Variants in PDK3 observed in about 807,000 individuals in gnomAD.
PDK3 encodes pyruvate dehydrogenase kinase 3.
A neutral mutation model predicts 32.0 loss-of-function variants in PDK3; 12 were observed. The observed-to-expected ratio is 0.37, with a 90% CI of 0.24 to 0.61. The LOEUF (loss-of-function observed/expected upper bound fraction) is 0.61, where lower values mean the gene tolerates loss of function less well. Among genes scored for constraint, PDK3 ranks in the 20% least tolerant of loss-of-function variants. The pLI is 0.65. For missense variants in PDK3, 188 were observed against 316.9 expected (o/e 0.59, Z 3.09); for synonymous variants, 122 against 116.3 (o/e 1.05, Z -0.31).
intron 1 of PDK3, among the ~76,000 whole-genome samples, chrX:24,474,232 T>C (rs1418820618): frequency 2.7e-5 from 3 of 111,002 alleles, no homozygotes; most frequent in African/African-American, 9.8e-5. Flanking sequence ...GGCGCTCACC[T>C]CTTTTTTGTA....
chrX:24,535,651 T>C (rs1350352161), downstream of PDK3, among the ~76,000 whole-genome samples: 1 of 111,099 alleles, frequency 9.0e-6, no homozygotes, highest in Non-Finnish European at 1.9e-5. Flanking sequence ...TTTTGCCATT[T>C]GTGTATATAT....
At chrX:24,491,923 G>A (rs765300899) in intron 1 of PDK3, among the ~76,000 whole-genome samples, 41 of 111,668 alleles carry the variant, frequency 3.7e-4, no homozygotes, top group Non-Finnish European at 6.8e-4. Flanking sequence ...GTGACAGAGT[G>A]AGACCCTGTC....
intron 1 of PDK3, among the ~76,000 whole-genome samples, chrX:24,478,026 ATTC>A (rs775121771): frequency 2.7e-5 from 3 of 112,173 alleles, no homozygotes; most frequent in African/African-American, 6.5e-5. Flanking sequence ...TTGTGTACTA[ATTC>A]TTCTTGATAA....
intron 1 of PDK3, among the ~76,000 whole-genome samples, chrX:24,478,289 AAATAC>A (rs1163539617): frequency 9.0e-6 from 1 of 111,103 alleles, no homozygotes; most frequent in African/African-American, 3.3e-5. Flanking sequence ...TACTAAAAAA[AAATAC>A]AATACAATAC....
chrX:24,506,925 C>T lies in PDK3; in HGVS notation c.595+1627C>T, dbSNP rs765661076. Among the ~76,000 whole-genome samples the T allele has an allele frequency of 2.2e-3, 233 of 105,214 alleles. 1 individual carries two copies. The highest frequency in any genetic ancestry group is 8.1e-3 in the African/African-American group (231 of 28,612). 91.4% of individuals were successfully genotyped at this position (105,214 alleles called of 115,157 possible). ...CTTCGAGTTCAAGTGATTCTCCTGC[C>T]TCAGCCTCCTGAGTAGCTGGGACTA... On this transcript the variant is annotated intron_variant, in intron 5 of 10. Coordinates refer to ENST00000379162, the MANE Select transcript of PDK3 (RefSeq NM_005391.5).
At chrX:24,497,212 C>G in intron 2 of PDK3, among the ~76,000 whole-genome samples, 1 of 111,749 alleles carries the variant, frequency 8.9e-6, no homozygotes, top group Admixed American at 9.5e-5. Context: ...GCTTTGACCT[C>G]TTGGCGTTTT....
intron 1 of PDK3, among the ~76,000 whole-genome samples, chrX:24,478,712 C>T (rs779275495): frequency 3.6e-5 from 4 of 112,014 alleles, no homozygotes; most frequent in Non-Finnish European, 7.5e-5. Flanking sequence ...TACATTTGCA[C>T]AGGTCAGCAT....
chrX:24,491,140 C>G (rs923891869), intron 1 of PDK3, among the ~76,000 whole-genome samples: 2 of 109,819 alleles, frequency 1.8e-5, no homozygotes, highest in Non-Finnish European at 3.8e-5. Flanking sequence ...TGGTGAAACC[C>G]TATCTCTTTG....
chrX:24,478,896 G>A (rs148939602), intron 1 of PDK3, among the ~76,000 whole-genome samples: 33 of 112,146 alleles, frequency 2.9e-4, no homozygotes, highest in African/African-American at 1.1e-3. Context: ...ATGGAGGTCA[G>A]TATATAATAG....
intron 1 of PDK3, among the ~76,000 whole-genome samples, chrX:24,467,943 T>C (rs1241483047): frequency 8.9e-6 from 1 of 111,898 alleles, no homozygotes; most frequent in Non-Finnish European, 1.9e-5. Flanking sequence ...CAATTCAGTA[T>C]ATTTCAAGAG....
exon 12 of PDK3, chrX:24,546,991 CA>C (rs951329099): frequency 7.1e-5 from 8 of 112,548 alleles, no homozygotes; most frequent in Admixed American, 6.6e-4. Flanking sequence ...CCTGTATGTG[CA>C]TTTTTTGGTA....
intron 7 of PDK3, 105 bp from the exon 8 acceptor site, chrX:24,527,469 C>G: frequency 2.1e-6 from 1 of 480,589 alleles, no homozygotes; most frequent in Non-Finnish European, 3.4e-6. Flanking sequence ...AATATTTGCC[C>G]CAAAAAAGGG....
chrX:24,493,719 A>T (rs772502869), intron 1 of PDK3, among the ~76,000 whole-genome samples: 1 of 112,056 alleles, frequency 8.9e-6, no homozygotes, highest in Non-Finnish European at 1.9e-5. Context: ...GTCCTTACAC[A>T]AACTAGTTTT....
At chrX:24,535,517 A>G (rs1462709144), downstream of PDK3, among the ~76,000 whole-genome samples, 2 of 107,756 alleles carry the variant, frequency 1.9e-5, no homozygotes, top group Admixed American at 2.0e-4. Context: ...AAAAAAAAAA[A>G]AAAAAGAAGA....
chrX:24,518,850 C>T (rs1922324005), intron 5 of PDK3, 83 bp from the exon 6 acceptor site: 1 of 458,080 alleles, frequency 2.2e-6, no homozygotes, highest in Admixed American at 3.8e-5. Flanking sequence ...CACACACACA[C>T]ACACACACAC....
chrX:24,521,721 G>A (rs1165602872), intron 6 of PDK3, among the ~76,000 whole-genome samples: 1 of 111,622 alleles, frequency 9.0e-6, no homozygotes, highest in African/African-American at 3.3e-5. Flanking sequence ...CCCCGCTGAG[G>A]CTGTCATGCT....
At position 24,494,775 on chromosome X, in the gene PDK3, T is replaced by C; in HGVS notation, c.140T>C (p.Met47Thr). 1 of 1,195,913 alleles carries C rather than the reference T, an allele frequency of 8.4e-7. No individual in the cohort carries two copies. The highest frequency in any genetic ancestry group is 2.3e-4 in the Middle Eastern group (1 of 4,316). Residue 47 changes from methionine (M) to threonine (T), a missense_variant, in exon 2 of 11, where the codon ATG becomes ACG. Coordinates refer to ENST00000379162, the MANE Select transcript of PDK3 (RefSeq NM_005391.5). ...RDNACEKTSY[M>T]FLRKELPVRL... ...AATGCATGTGAGAAAACTTCATATA[T>C]GTTTCTACGAAAGGAACTTCCTGTG...
At chrX:24,514,816 C>T (rs749106991) in intron 5 of PDK3, among the ~76,000 whole-genome samples, 12 of 111,374 alleles carry the variant, frequency 1.1e-4, no homozygotes, top group Non-Finnish European at 2.3e-4. Context: ...TCCGAATTAC[C>T]TGCTAAGTTT....
At chrX:24,535,007 A>G (rs937328310), downstream of PDK3, among the ~76,000 whole-genome samples, 4 of 112,040 alleles carry the variant, frequency 3.6e-5, no homozygotes, top group Non-Finnish European at 7.5e-5. Context: ...TTATCACAAT[A>G]AAAAATGTTA....
Sources: gnomAD v4.1 joint callset for allele counts (sites outside exome capture counted in the v4.1 genomes callset) on GRCh38, gnomAD v4.1.1 for gene constraint, MANE v1.5 for transcripts, NCBI Gene and HGNC (gene_info 2026-07-23, HGNC 2026-07-21) for gene names.